The following UGGT2 variants were observed in gnomAD, a reference collection of about 807,000 sequenced individuals.
UGGT2 encodes UDP-glucose:glycoprotein glucosyltransferase 2.
UGGT2 carries 180 observed loss-of-function variants against 192.1 expected under a neutral mutation model. The observed-to-expected ratio is 0.94, with a 90% CI of 0.83 to 1.06. The LOEUF is 1.06. UGGT2 is among the 50% of genes least tolerant of loss of function. The probability of loss-of-function intolerance (pLI) is 0.00; values close to 1 mark genes in which losing one functional copy is unlikely to be tolerated. For synonymous variants in UGGT2, 580 were observed against 591.0 expected (o/e 0.98, Z 0.27); for missense variants, 1,849 against 1,795.7 (o/e 1.03, Z -0.54).
intron 9 of UGGT2, chr13:95,985,242 T>C (rs1486456413): frequency 4.9e-6 from 6 of 1,224,400 alleles, no homozygotes; most frequent in African/African-American, 1.6e-5. Context: ...TACACACCCA[T>C]ATATATTTCA....
intron 1 of UGGT2, among the ~76,000 whole-genome samples, chr13:96,045,738 A>G (rs1368840055): frequency 6.6e-6 from 1 of 152,184 alleles, no homozygotes; most frequent in African/African-American, 2.4e-5. Context: ...CTTTTACAAC[A>G]GCTCCAACAA....
chr13:95,898,480 T>C (rs2048011350), intron 22 of UGGT2, among the ~76,000 whole-genome samples: 1 of 152,138 alleles, frequency 6.6e-6, no homozygotes, highest in Non-Finnish European at 1.5e-5. Flanking sequence ...TCTAGAACAA[T>C]CCTCTTCCAG....
At position 95,895,315 on chromosome 13, in the gene UGGT2, A is replaced by G. The variant is rs746574857; in HGVS notation, c.2635-11T>C. The G allele has an allele frequency of 2.9e-6, 4 of 1,363,740 alleles. No individual in the cohort carries two copies. The highest frequency in any genetic ancestry group is 4.0e-6 in the Non-Finnish European group (4 of 995,966). 84.5% of individuals were successfully genotyped at this position (1,363,740 alleles called of 1,614,324 possible). On this transcript the variant is annotated splice_polypyrimidine_tract_variant and intron_variant, in intron 22 of 38. Coordinates refer to ENST00000376747, the MANE Select transcript of UGGT2 (RefSeq NM_020121.4). ...TAAAGGTCCTAAGAACTTAAAATAA[A>G]AACAGTTATATTATCATATATCTTC... is the stretch of plus-strand genomic sequence containing the variant.
At chr13:95,994,777 T>C (rs1377197075) in intron 7 of UGGT2, among the ~76,000 whole-genome samples, 1 of 152,038 alleles carries the variant, frequency 6.6e-6, no homozygotes. Context: ...ATAGTGCAAA[T>C]GAAGAACAGG....
chr13:95,896,080 A>C (rs1057200812), intron 22 of UGGT2, among the ~76,000 whole-genome samples: 3 of 152,056 alleles, frequency 2.0e-5, no homozygotes, highest in Non-Finnish European at 4.4e-5. Context: ...ACAAAACCCT[A>C]CTGTAGACTG....
intron 3 of UGGT2, 149 bp downstream of exon 3, chr13:96,023,480 G>T: frequency 1.4e-6 from 1 of 733,966 alleles, no homozygotes. Flanking sequence ...TATAATAAAT[G>T]ACAACAATAA....
chr13:95,975,220 G>A (rs1321417924), intron 10 of UGGT2, among the ~76,000 whole-genome samples: 1 of 152,190 alleles, frequency 6.6e-6, no homozygotes, highest in Non-Finnish European at 1.5e-5. Context: ...GAAATTTAGA[G>A]CTTCCTAGAT....
Position 95,856,145 on chromosome 13 carries a change from T to C in UGGT2, c.4008+13A>G. On this transcript the variant is annotated intron_variant, in intron 34 of 38. Transcript: ENST00000376747. ...GTTTGCGTATTACTAAAAATAGTAG[T>C]TAACCTTATTACCTGGTCAGCATCA... 6.3e-7 allele frequency: 1 copy of C among 1,595,622 alleles called. No individual in the cohort carries two copies. The highest frequency in any genetic ancestry group is 8.5e-7 in the Non-Finnish European group (1 of 1,173,490).
intron 28 of UGGT2, 22 bp downstream of exon 28, chr13:95,877,676 C>A (rs773893941): frequency 1.3e-6 from 2 of 1,596,434 alleles, no homozygotes; most frequent in Admixed American, 1.7e-5. Flanking sequence ...AAATTAAACA[C>A]CATCAATTAA....
At chr13:95,854,840 T>C (rs1325754170) in intron 34 of UGGT2, among the ~76,000 whole-genome samples, 6 of 152,118 alleles carry the variant, frequency 3.9e-5, no homozygotes, top group Non-Finnish European at 8.8e-5. Flanking sequence ...AATCATTCCA[T>C]GCCAAATCTC....
intron 2 of UGGT2, among the ~76,000 whole-genome samples, chr13:96,029,622 T>C (rs1482018268): frequency 1.3e-5 from 2 of 152,188 alleles, no homozygotes; most frequent in Admixed American, 6.5e-5. Flanking sequence ...GGTTCAACCC[T>C]GAAAACACTT....
intron 9 of UGGT2, 48 bp from the exon 10 acceptor site, chr13:95,983,912 A>T: frequency 7.5e-7 from 1 of 1,335,642 alleles, no homozygotes; most frequent in Non-Finnish European, 1.0e-6. Flanking sequence ...AAATGTTTAG[A>T]ACTGATCTAT....
chr13:95,867,141 T>C (rs547756479), intron 30 of UGGT2, among the ~76,000 whole-genome samples, 198 bp downstream of exon 30: 1 of 152,182 alleles, frequency 6.6e-6, no homozygotes, highest in East Asian at 1.9e-4. Flanking sequence ...TAAAAAAAAA[T>C]CCTTCTCTTC....
At chr13:95,922,328 C>G (rs1162612682) in intron 20 of UGGT2, among the ~76,000 whole-genome samples, 1 of 152,048 alleles carries the variant, frequency 6.6e-6, no homozygotes, top group African/African-American at 2.4e-5. Context: ...AGGGGGGCCA[C>G]GAGAGTTGAA....
chr13:95,971,264 T>C (rs1448038201), intron 11 of UGGT2, among the ~76,000 whole-genome samples: 5 of 152,230 alleles, frequency 3.3e-5, no homozygotes, highest in Non-Finnish European at 7.3e-5. Flanking sequence ...CTATATATAA[T>C]GTCTCTGTAA....
intron 5 of UGGT2, among the ~76,000 whole-genome samples, chr13:96,000,995 G>A (rs2051783088): frequency 6.6e-6 from 1 of 152,120 alleles, no homozygotes; most frequent in South Asian, 2.1e-4. Flanking sequence ...GAACATAAAA[G>A]ATGTCATTCA....
intron 5 of UGGT2, among the ~76,000 whole-genome samples, chr13:96,012,813 T>A (rs2052205991): frequency 6.6e-6 from 1 of 151,928 alleles, no homozygotes; most frequent in Admixed American, 6.6e-5. Context: ...GATACAGTAA[T>A]AAGTGCTATG....
intron 36 of UGGT2, among the ~76,000 whole-genome samples, chr13:95,846,131 C>T (rs1487584831): frequency 1.3e-5 from 2 of 152,176 alleles, no homozygotes; most frequent in Non-Finnish European, 2.9e-5. Flanking sequence ...CCAGCCTGGG[C>T]AACATTGAGC....
At position 95,801,799 on chromosome 13, in the gene UGGT2, ATCATGTG is replaced by A; in HGVS notation, c.4535_4541del (p.Thr1512MetfsTer30). On this transcript the variant is annotated frameshift_variant, in exon 39 of 39. Transcript: ENST00000376747. LOFTEE classifies it high-confidence loss of function. ...CTCATATACACCAGTGCTAGAGTTCATCATGTGTCAAAACTATAAGGGAGAAAAGTTT... is the reference window on the plus strand; with the variant it reads ...CTCATATACACCAGTGCTAGAGTTCATCAAAACTATAAGGGAGAAAAGTTT... The A allele has an allele frequency of 6.2e-7, 1 of 1,613,948 alleles. No individual in the cohort carries two copies. Among genetic ancestry groups the A allele is most frequent in the Non-Finnish European group, 8.5e-7 (1 of 1,179,890 alleles).
Sources: allele counts gnomAD v4.1 joint callset (sites outside exome capture counted in the v4.1 genomes callset), GRCh38; gene constraint gnomAD v4.1.1; transcripts MANE v1.5; gene names NCBI Gene and HGNC (gene_info 2026-07-23, HGNC 2026-07-21).